The following PTPN3 variants were observed in gnomAD, a reference collection of about 807,000 sequenced individuals.
PTPN3 encodes the protein protein tyrosine phosphatase non-receptor type 3.
Under a neutral mutation model 132.7 loss-of-function variants are expected in PTPN3, and 96 were observed. The ratio of observed to expected loss-of-function variants is 0.72; its 90% confidence interval spans 0.61 to 0.86. The LOEUF (loss-of-function observed/expected upper bound fraction) is 0.86. PTPN3 is among the 40% of genes least tolerant of loss of function. PTPN3 has a pLI of 0.00. For missense variants in PTPN3, 1,125 were observed against 1,159.6 expected, an observed-to-expected ratio of 0.97 and a Z score of 0.43; for synonymous variants, 398 against 429.0, an observed-to-expected ratio of 0.93 and a Z score of 0.89.
chr9:109,478,334 C>G (rs530943253), intron 1 of PTPN3, among the ~76,000 whole-genome samples: 6 of 152,334 alleles, frequency 3.9e-5, no homozygotes, highest in African/African-American at 1.2e-4. Context: ...TGATCACTAT[C>G]CAACATTCGT....
intron 1 of PTPN3, among the ~76,000 whole-genome samples, chr9:109,485,766 C>T (rs374875317): frequency 1.1e-3 from 174 of 152,260 alleles, no homozygotes; most frequent in African/African-American, 4.0e-3. Flanking sequence ...TGTCCTGGAG[C>T]AGCTCACGAG....
chr9:109,426,516 A>C (rs1250103490), intron 12 of PTPN3, among the ~76,000 whole-genome samples: 1 of 152,232 alleles, frequency 6.6e-6, no homozygotes, highest in East Asian at 1.9e-4. Context: ...TATATCCCAA[A>C]GTCACTTGAC....
At chr9:109,433,981 A>G (rs1843852017) in intron 9 of PTPN3, among the ~76,000 whole-genome samples, 1 of 151,688 alleles carries the variant, frequency 6.6e-6, no homozygotes, top group Non-Finnish European at 1.5e-5. Flanking sequence ...ACATTTATGC[A>G]TGCCTAAGTG....
intron 7 of PTPN3, among the ~76,000 whole-genome samples, chr9:109,442,240 G>T (rs1564446063): frequency 1.3e-5 from 2 of 152,030 alleles, no homozygotes; most frequent in African/African-American, 2.4e-5. Context: ...TAGAGACAGG[G>T]TTTCACCATG....
In PTPN3 at chr9:109,422,800, G is replaced by C. The variant is rs1398348939; in HGVS notation, c.1054C>G (p.Pro352Ala). The C allele has an allele frequency of 1.9e-6, 3 of 1,612,206 alleles. No individual in the cohort carries two copies. Among genetic ancestry groups the C allele is most frequent in the Non-Finnish European group, 2.5e-6 (3 of 1,178,480 alleles). ...KKVIGGMVWN[P>A]AMRRSLSVEH... ...ACTGATAAGGATCTCCGCATGGCTG[G>C]GTTCCACACCATCCCGCCAATCACC... The change falls in exon 13 of 26, where the codon CCA (proline) becomes GCA (alanine). Residue 352 changes from proline (P) to alanine (A), a missense_variant. Pro to Ala is a conservative substitution (Grantham distance 27). Coordinates refer to ENST00000374541, the MANE Select transcript of PTPN3 (RefSeq NM_002829.4).
chr9:109,500,158 C>G (rs1483685211), upstream of PTPN3, among the ~76,000 whole-genome samples: 4 of 152,234 alleles, frequency 2.6e-5, no homozygotes, highest in African/African-American at 9.6e-5. Context: ...AAATAAGGAA[C>G]GTGAACGTGT....
intron 10 of PTPN3, among the ~76,000 whole-genome samples, chr9:109,430,618 T>A (rs1210370360): frequency 6.6e-6 from 1 of 152,190 alleles, no homozygotes; most frequent in Middle Eastern, 3.4e-3. Flanking sequence ...GAAGAGGACA[T>A]GGAGCCACTG....
intron 16 of PTPN3, among the ~76,000 whole-genome samples, chr9:109,409,784 G>A (rs1841928745): frequency 6.6e-6 from 1 of 151,868 alleles, no homozygotes; most frequent in Non-Finnish European, 1.5e-5. Context: ...TGCACTCTAG[G>A]TTTGGGCGAT....
At chr9:109,522,956 T>C in the PTPN3 span, among the ~76,000 whole-genome samples, 18 of 152,254 alleles carry the variant, frequency 1.2e-4, no homozygotes, top group East Asian at 3.3e-3. Context: ...ATTTACTGTG[T>C]TACCTTGGAC....
intron 22 of PTPN3, 127 bp from the exon 23 acceptor site, chr9:109,383,678 A>G: frequency 7.5e-7 from 1 of 1,330,206 alleles, no homozygotes; most frequent in Non-Finnish European, 1.0e-6. Flanking sequence ...GGGAGAAAAC[A>G]AACTCAGCCA....
intron 19 of PTPN3, among the ~76,000 whole-genome samples, chr9:109,394,454 A>ATTT (rs11407022): frequency 2.9e-5 from 4 of 140,166 alleles, no homozygotes; most frequent in Non-Finnish European, 4.7e-5. Flanking sequence ...CAGTGTTTAC[A>ATTT]TTTTTTTTTT....
At chr9:109,533,126 ATTTT>A in the PTPN3 span, among the ~76,000 whole-genome samples, 17 of 36,554 alleles carry the variant, frequency 4.7e-4, no homozygotes, top group East Asian at 1.6e-3. Flanking sequence ...TACCTGGCTA[ATTTT>A]TTTTTTTTTT....
intron 1 of PTPN3, among the ~76,000 whole-genome samples, chr9:109,475,972 C>G (rs1366895874): frequency 2.0e-5 from 3 of 152,184 alleles, no homozygotes; most frequent in African/African-American, 2.4e-5. Context: ...CACTTACCCC[C>G]ACGAAGCATC....
chr9:109,394,764 G>A (rs931243247), intron 19 of PTPN3, among the ~76,000 whole-genome samples: 1 of 152,174 alleles, frequency 6.6e-6, no homozygotes, highest in Non-Finnish European at 1.5e-5. Context: ...GTGTATACAT[G>A]TGTATATGAT....
chr9:109,401,537 A>G (rs750508179), intron 19 of PTPN3, among the ~76,000 whole-genome samples: 6 of 152,234 alleles, frequency 3.9e-5, no homozygotes, highest in Non-Finnish European at 8.8e-5. Flanking sequence ...GGATTCCCAT[A>G]TGTAAAACAC....
chr9:109,523,217 C>T, the PTPN3 span, among the ~76,000 whole-genome samples: 91 of 151,654 alleles, frequency 6.0e-4, no homozygotes, highest in African/African-American at 1.7e-3. Flanking sequence ...CAGGTTCAAG[C>T]GATTCTCCTG....
At chr9:109,401,593 G>A (rs1033473539) in intron 19 of PTPN3, among the ~76,000 whole-genome samples, 3 of 152,200 alleles carry the variant, frequency 2.0e-5, no homozygotes, top group African/African-American at 4.8e-5. Context: ...CATGAACACC[G>A]AAAACACCAG....
chr9:109,537,768 T>C, the PTPN3 span, among the ~76,000 whole-genome samples: 14 of 152,240 alleles, frequency 9.2e-5, no homozygotes, highest in Non-Finnish European at 1.2e-4. Context: ...TGAAGCTCAT[T>C]TGTAGGCAGC....
chr9:109,435,861 T>C (rs1844011470), intron 9 of PTPN3, among the ~76,000 whole-genome samples: 1 of 152,256 alleles, frequency 6.6e-6, no homozygotes, highest in Non-Finnish European at 1.5e-5. Context: ...TCTAACACCA[T>C]TTTCCTTCCT....
Sources: gnomAD v4.1 joint callset for allele counts (sites outside exome capture counted in the v4.1 genomes callset) on GRCh38, gnomAD v4.1.1 for gene constraint, MANE v1.5 for transcripts, NCBI Gene and HGNC (gene_info 2026-07-23, HGNC 2026-07-21) for gene names.